MGAT5B: variants seen among roughly 807,000 people sequenced by gnomAD.
The protein encoded by MGAT5B is N-acetylglucosaminyl-transferase Vb.
A neutral mutation model predicts 95.1 loss-of-function variants in MGAT5B; 54 were observed. The observed-to-expected ratio is 0.57, with a 90% CI of 0.46 to 0.71. The LOEUF (loss-of-function observed/expected upper bound fraction) is 0.71, where lower values mean the gene tolerates loss of function less well. Among genes scored for constraint, MGAT5B ranks in the 30% least tolerant of loss-of-function variants. MGAT5B has a pLI of 0.00. For synonymous variants in MGAT5B, 464 were observed against 451.0 expected (o/e 1.03, Z -0.36); for missense variants, 935 against 1,088.6 (o/e 0.86, Z 1.99).
At chr17:76,913,251 C>T (rs1241513556) in intron 8 of MGAT5B, among the ~76,000 whole-genome samples, 2 of 152,176 alleles carry the variant, frequency 1.3e-5, no homozygotes, top group African/African-American at 2.4e-5. Context: ...TGCTTCCTCC[C>T]GCACAATCCA....
rs545236645 is a variant in MGAT5B, at chr17:76,916,527, G to A, written c.1026-8439G>A. 2.4e-4 allele frequency among the ~76,000 whole-genome samples: 36 copies of A among 152,268 alleles called. No individual in the cohort carries two copies. The highest frequency in any genetic ancestry group is 7.8e-4 in the Admixed American group (12 of 15,296). On this transcript the variant is annotated intron_variant, in intron 8 of 17. Transcript: ENST00000569840. This position sits in a 1 kb window ranked among gnomAD's most constrained non-coding sequence, Gnocchi z 5.3. Reference sequence around the variant, plus strand: ...AGAAATGAGGACAGACCAGGCCCTCGGCTCATACCCGTAACCCCAGCACTT... The same window carrying A: ...AGAAATGAGGACAGACCAGGCCCTCAGCTCATACCCGTAACCCCAGCACTT...
At chr17:76,922,031 T>C (rs1969139259) in intron 8 of MGAT5B, among the ~76,000 whole-genome samples, 1 of 152,110 alleles carries the variant, frequency 6.6e-6, no homozygotes, top group African/African-American at 2.4e-5. Flanking sequence ...AACCGCAGCG[T>C]GGTGGTCTCC....
At position 76,914,194 on chromosome 17, in the gene MGAT5B, C is replaced by A; in HGVS notation, c.1025+8007C>A. On this transcript the variant is annotated intron_variant, in intron 8 of 17. Coordinates refer to ENST00000569840, the MANE Select transcript of MGAT5B (RefSeq NM_001199172.2). The surrounding 1 kb of genome is among the most constrained non-coding windows in gnomAD (Gnocchi z 5.1). ...GAATTTGGCCACAAAGATGTCATTG[C>A]TGACTTTGGAAAGAGCATTGTGGTG... is the stretch of plus-strand genomic sequence containing the variant. 5.0e-6 allele frequency: 1 copy of A among 198,498 alleles called. No individual in the cohort carries two copies. The highest frequency in any genetic ancestry group is 1.0e-5 in the Non-Finnish European group (1 of 95,906). 12.3% of individuals were successfully genotyped at this position (198,498 alleles called of 1,614,324 possible).
intron 9 of MGAT5B, 49 bp downstream of exon 9, chr17:76,925,146 A>G (rs1406206973): frequency 1.2e-6 from 2 of 1,606,268 alleles, no homozygotes; most frequent in Admixed American, 3.4e-5. Flanking sequence ...GCCAGGGGAG[A>G]AAGCTCCTCC....
At position 76,868,472 on chromosome 17, in the gene MGAT5B, G is replaced by C. The variant is rs1966881934; in HGVS notation, c.-558G>C. ...TAGCGTCGCGCGGGGCCGGACGCCG[G>C]ACACCAGAGCGCGGGCGGCGGAGCC... On this transcript the variant is annotated 5_prime_UTR_variant, in exon 1 of 18. Coordinates refer to ENST00000569840, the MANE Select transcript of MGAT5B (RefSeq NM_001199172.2). The surrounding 1 kb of genome is among the most constrained non-coding windows in gnomAD (Gnocchi z 6.3). 6.6e-6 allele frequency: 1 copy of C among 150,400 alleles called. No individual in the cohort carries two copies. Among genetic ancestry groups the C allele is most frequent in the Non-Finnish European group, 1.5e-5 (1 of 67,340 alleles). The allele number at this position is 150,400 out of a possible 1,614,324, so 9.3% of individuals were successfully genotyped here.
chr17:76,895,214 C>T (rs1598918075), intron 3 of MGAT5B, among the ~76,000 whole-genome samples: 2 of 151,896 alleles, frequency 1.3e-5, no homozygotes, highest in South Asian at 4.2e-4. Context: ...AATCTAATGC[C>T]TGATGATCTG....
chr17:76,927,354 C>T (rs1969345015), intron 10 of MGAT5B, among the ~76,000 whole-genome samples: 1 of 152,080 alleles, frequency 6.6e-6, no homozygotes, highest in South Asian at 2.1e-4. Context: ...ATCCTCCTGC[C>T]TCAGCCTCCC....
rs1044196507 is a variant in MGAT5B at position 76,888,764 on chromosome 17, A to ACCTG, written c.329+6469_329+6472dup. 1.1e-4 allele frequency among the ~76,000 whole-genome samples: 16 copies of ACCTG among 152,052 alleles called. 1 individual carries two copies. The highest frequency in any genetic ancestry group is 9.2e-4 in the Admixed American group (14 of 15,270). ...GATTGGGGCCTGCGAGGAAGTAGTG[A>ACCTG]CCTGCCACTGGCCACCTGCGGAACC... On this transcript the variant is annotated intron_variant, in intron 3 of 17. Transcript: ENST00000569840.
rs373772029 is a variant in MGAT5B at position 76,948,890 on chromosome 17, G to T, written c.*52G>T. 2 of 1,507,138 alleles carry T rather than the reference G, an allele frequency of 1.3e-6. No individual in the cohort carries two copies. The highest frequency in any genetic ancestry group is 2.8e-5 in the African/African-American group (2 of 72,478). The allele number at this position is 1,507,138 out of a possible 1,614,324, so 93.4% of individuals were successfully genotyped here. A position where few individuals can be genotyped will look rare whatever the true frequency, so the allele number is the denominator to read the frequency against. On this transcript the variant is annotated 3_prime_UTR_variant, in exon 18 of 18. Transcript: ENST00000569840. The stretch of plus-strand genomic sequence containing the variant: ...CCCACGCTGGCTCTCTCCTGCCGCG[G>T]GAGAAAGCACCAGCAGGTTCTGAGC...
In MGAT5B at chr17:76,948,215, A is replaced by G. The variant is rs1228471094; in HGVS notation, c.2180+129A>G. On this transcript the variant is annotated intron_variant, in intron 17 of 17. Coordinates refer to ENST00000569840, the MANE Select transcript of MGAT5B (RefSeq NM_001199172.2). The stretch of plus-strand genomic sequence containing the variant: ...TGGGGGGATGTAATGCTTTCCAATG[A>G]GTCAGGAAGGATCCAGAAGGGATCC... 7 of 1,433,096 alleles carry G rather than the reference A, an allele frequency of 4.9e-6. No homozygotes were observed. The Admixed American group carries it at 2.0e-4, about 41-fold the overall frequency. 88.8% of individuals were successfully genotyped at this position (1,433,096 alleles called of 1,614,324 possible).
Position 76,869,615 on chromosome 17 carries a change from C to T in MGAT5B, c.68+518C>T, listed in dbSNP as rs1598877622. ...TGGCACTGCTCTCCTCCCCGCGGGG[C>T]TCGGGCCTGGCTCCGACGAGAGGGT... On this transcript the variant is annotated intron_variant, in intron 1 of 17. Transcript: ENST00000569840. The surrounding 1 kb of genome is among the most constrained non-coding windows in gnomAD (Gnocchi z 7.0). 6.6e-6 allele frequency among the ~76,000 whole-genome samples: 1 copy of T among 152,218 alleles called. No homozygotes were observed.
In MGAT5B at chr17:76,903,346, C is replaced by T. The variant is rs756873240; in HGVS notation, c.489C>T (p.Pro163=). 3 of 1,611,252 alleles carry T rather than the reference C, an allele frequency of 1.9e-6. No homozygotes were observed. The South Asian group carries it at 3.3e-5, about 18-fold the overall frequency. ...RRDQCEAPSD[P]KFPDCSGKVE... ...ACCAGTGTGAGGCACCCAGTGACCC[C>T]AAGTTCCCTGACTGCTCAGGGAAGG... The change falls in exon 5 of 18, where the codon CCC becomes CCT. Residue 163 remains proline, a synonymous_variant. Coordinates refer to ENST00000569840, the MANE Select transcript of MGAT5B (RefSeq NM_001199172.2).
At position 76,938,652 on chromosome 17, in the gene MGAT5B, G is replaced by A. The variant is rs1969753280; in HGVS notation, c.1584+509G>A. 6.6e-6 allele frequency among the ~76,000 whole-genome samples: 1 copy of A among 152,114 alleles called. No individual in the cohort carries two copies. The highest frequency in any genetic ancestry group is 6.5e-5 in the Admixed American group (1 of 15,282). On this transcript the variant is annotated intron_variant, in intron 13 of 17. Transcript: ENST00000569840. The surrounding 1 kb of genome is among the most constrained non-coding windows in gnomAD (Gnocchi z 4.3). ...CCCTGGAGTATCAGCTGAGGCTGGA[G>A]AGTCTCCAGCCAGCTTCTAGGCACC...
At chr17:76,898,478 A>ATG (rs879436540) in intron 3 of MGAT5B, among the ~76,000 whole-genome samples, 19,417 of 150,524 alleles carry the variant, frequency 0.13, 1,614 homozygotes, top group African/African-American at 0.2. Flanking sequence ...ACAGGCGCGC[A>ATG]CCACCACACC....
intron 8 of MGAT5B, chr17:76,924,373 C>T (rs2145235470): frequency 6.5e-6 from 1 of 152,678 alleles, no homozygotes; most frequent in South Asian, 2.1e-4. Flanking sequence ...TTCCAGGTCA[C>T]CAGAGGCAAC....
At position 76,930,550 on chromosome 17, in the gene MGAT5B, A is replaced by G. The variant is rs935502697; in HGVS notation, c.1292-2095A>G. 2.0e-5 allele frequency among the ~76,000 whole-genome samples: 3 copies of G among 152,176 alleles called. No individual in the cohort carries two copies. Among genetic ancestry groups the G allele is most frequent in the African/African-American group, 7.2e-5 (3 of 41,446 alleles). Reference sequence around the variant, plus strand: ...CAATAAACGGTTTATTCGGGATCCCAGTGCGCAGAAGGCAGGGCTCGTGTG... The same window carrying G: ...CAATAAACGGTTTATTCGGGATCCCGGTGCGCAGAAGGCAGGGCTCGTGTG... On this transcript the variant is annotated intron_variant, in intron 10 of 17. Coordinates refer to ENST00000569840, the MANE Select transcript of MGAT5B (RefSeq NM_001199172.2). This position sits in a 1 kb window ranked among gnomAD's most constrained non-coding sequence, Gnocchi z 4.1.
chr17:76,937,907 C>T, intron 12 of MGAT5B, 81 bp from the exon 13 acceptor site: 1 of 1,546,862 alleles, frequency 6.5e-7, no homozygotes, highest in Non-Finnish European at 8.8e-7. Context: ...CTTCTGACTT[C>T]CAGACCAAAG....
At chr17:76,903,026 C>T (rs1324782140) in intron 4 of MGAT5B, among the ~76,000 whole-genome samples, 6 of 152,084 alleles carry the variant, frequency 3.9e-5, no homozygotes, top group Non-Finnish European at 7.4e-5. Context: ...CCTCAGAAAA[C>T]GCTGGGGATG....
intron 10 of MGAT5B, among the ~76,000 whole-genome samples, chr17:76,932,235 C>A (rs1197227470): frequency 1.3e-5 from 2 of 151,922 alleles, no homozygotes; most frequent in Non-Finnish European, 2.9e-5. Flanking sequence ...TGGGCTCAAG[C>A]GATTCTCCCA....
Sources: gnomAD v4.1 joint callset for allele counts (sites outside exome capture counted in the v4.1 genomes callset) on GRCh38, gnomAD v4.1.1 for gene constraint, Gnocchi (gnomAD v3.1) non-coding constraint, MANE v1.5 for transcripts, NCBI Gene and HGNC (gene_info 2026-07-23, HGNC 2026-07-21) for gene names.